SHROOM3: variants seen among roughly 807,000 people sequenced by gnomAD.
SHROOM3 encodes shroom family member 3.
Under a neutral mutation model 138.6 loss-of-function variants are expected in SHROOM3, and 47 were observed. The observed-to-expected ratio is 0.34, with a 90% CI of 0.27 to 0.43. The LOEUF (loss-of-function observed/expected upper bound fraction) is 0.43. SHROOM3 is among the 20% of genes least tolerant of loss of function. The pLI, the probability that SHROOM3 is intolerant of heterozygous loss-of-function variation, is 1.00. For missense variants in SHROOM3, 2,491 were observed against 2,596.5 expected (o/e 0.96, Z 0.88); for synonymous variants, 1,062 against 1,063.3 (o/e 1.00, Z 0.02).
intron 3 of SHROOM3, among the ~76,000 whole-genome samples, chr4:76,721,310 C>CAA (rs539572222): frequency 8.9e-6 from 1 of 112,848 alleles, no homozygotes; most frequent in Non-Finnish European, 1.9e-5. Context: ...GACTCCGTCT[C>CAA]AAAAAAAAAA....
intron 7 of SHROOM3, among the ~76,000 whole-genome samples, chr4:76,755,499 A>T (rs1314237413): frequency 6.6e-6 from 1 of 152,208 alleles, no homozygotes. Flanking sequence ...TCAGTTAGGA[A>T]ATAAGACAAA....
intron 2 of SHROOM3, among the ~76,000 whole-genome samples, chr4:76,672,983 T>G (rs185060608): frequency 6.6e-6 from 1 of 152,212 alleles, no homozygotes; most frequent in East Asian, 1.9e-4. Context: ...AAAGGGAGCA[T>G]ACATCAAAAC....
chr4:76,706,256 A>G (rs578028582), intron 2 of SHROOM3, among the ~76,000 whole-genome samples: 1 of 152,164 alleles, frequency 6.6e-6, no homozygotes, highest in East Asian at 1.9e-4. Context: ...CTGGGATTAC[A>G]GGCATGTACC....
intron 2 of SHROOM3, among the ~76,000 whole-genome samples, chr4:76,621,524 A>G (rs1164538211): frequency 2.6e-5 from 4 of 152,244 alleles, no homozygotes; most frequent in African/African-American, 4.8e-5. Flanking sequence ...GGTTTGGGTG[A>G]AGCTTGATTT....
At chr4:76,490,742 C>T (rs769814853) in intron 1 of SHROOM3, among the ~76,000 whole-genome samples, 1 of 152,134 alleles carries the variant, frequency 6.6e-6, no homozygotes, top group Non-Finnish European at 1.5e-5. Context: ...TGTTACCCAC[C>T]TACTCTCCCT....
chr4:76,777,103 T>A (rs1436052379), intron 10 of SHROOM3, among the ~76,000 whole-genome samples: 1 of 152,114 alleles, frequency 6.6e-6, no homozygotes, highest in Non-Finnish European at 1.5e-5. Flanking sequence ...TCCATATGAA[T>A]TTTAGGATTG....
chr4:76,561,706 A>AG (rs1553923689), intron 2 of SHROOM3, among the ~76,000 whole-genome samples: 101 of 151,050 alleles, frequency 6.7e-4, no homozygotes, highest in Middle Eastern at 6.8e-3. Context: ...AAAAAAAAAA[A>AG]AGAGAGAGAG....
chr4:76,451,920 C>T lies in SHROOM3; in HGVS notation c.168+15700C>T, dbSNP rs114169510. ...TCCCAGGCACAATAATGGTACACTG[C>T]AGCCTCGAACTCTTGGGCTCAAGCC... On this transcript the variant is annotated intron_variant, in intron 1 of 10. Transcript: ENST00000296043. 5.3e-3 allele frequency among the ~76,000 whole-genome samples: 805 copies of T among 152,280 alleles called. 7 individuals carry two copies. Among genetic ancestry groups the T allele is most frequent in the African/African-American group, 0.019 (772 of 41,564 alleles).
intron 2 of SHROOM3, chr4:76,689,469 G>T: frequency 1.0e-6 from 1 of 955,654 alleles, no homozygotes; most frequent in South Asian, 4.8e-5. Flanking sequence ...CCCTCGGCGC[G>T]CCGCGCGGGA....
intron 1 of SHROOM3, among the ~76,000 whole-genome samples, chr4:76,492,766 A>T (rs958339604): frequency 6.6e-6 from 1 of 152,144 alleles, no homozygotes; most frequent in African/African-American, 2.4e-5. Context: ...TAAGACACAG[A>T]TTCTCATATT....
intron 2 of SHROOM3, among the ~76,000 whole-genome samples, chr4:76,614,781 T>C (rs1734837910): frequency 6.6e-6 from 1 of 152,180 alleles, no homozygotes; most frequent in South Asian, 2.1e-4. Flanking sequence ...TTTTAAAGCA[T>C]TATGTGGAAT....
intron 2 of SHROOM3, among the ~76,000 whole-genome samples, chr4:76,598,296 G>A (rs949154118): frequency 4.6e-5 from 7 of 152,136 alleles, no homozygotes; most frequent in African/African-American, 1.7e-4. Flanking sequence ...AAAGTCCTGG[G>A]ATTACAGGCG....
At chr4:76,732,023 A>G (rs927762758) in intron 4 of SHROOM3, among the ~76,000 whole-genome samples, 1 of 152,108 alleles carries the variant, frequency 6.6e-6, no homozygotes, top group African/African-American at 2.4e-5. Context: ...TTATAGAACG[A>G]GGGAGCACAG....
chr4:76,772,222 G>T (rs971438351), intron 10 of SHROOM3, among the ~76,000 whole-genome samples: 2 of 151,186 alleles, frequency 1.3e-5, no homozygotes, highest in Non-Finnish European at 2.9e-5. Flanking sequence ...TCATGCCTCG[G>T]CCTCCCAAGT....
intron 2 of SHROOM3, among the ~76,000 whole-genome samples, chr4:76,640,526 T>G (rs1233376969): frequency 2.6e-5 from 4 of 152,206 alleles, no homozygotes; most frequent in African/African-American, 9.6e-5. Flanking sequence ...GGAAGTAATG[T>G]GGCAAAATCA....
chr4:76,595,599 T>A (rs972777822), intron 2 of SHROOM3, among the ~76,000 whole-genome samples: 1 of 152,342 alleles, frequency 6.6e-6, no homozygotes, highest in Middle Eastern at 3.4e-3. Flanking sequence ...ACTCTCTTTT[T>A]TTAGGAGTCA....
Position 76,740,993 on chromosome 4 carries a change from C to A in SHROOM3, c.2820C>A (p.Ser940=). 1 of 1,489,592 alleles carries A rather than the reference C, an allele frequency of 6.7e-7. No individual in the cohort carries two copies. Among genetic ancestry groups the A allele is most frequent in the South Asian group, 1.4e-5 (1 of 71,046 alleles). The allele number at this position is 1,489,592 out of a possible 1,614,324, so 92.3% of individuals were successfully genotyped here. Residue 940 remains serine (S), a synonymous_variant, in exon 5 of 11, where the codon TCC becomes TCA. Coordinates refer to ENST00000296043, the MANE Select transcript of SHROOM3 (RefSeq NM_020859.4). The surrounding 1 kb of genome is among the most constrained non-coding windows in gnomAD (Gnocchi z 4.0). ...DAQSRVLGAT[S]FRRRDLELGA... ...AGTCCCGTGTCTTGGGGGCCACCTC[C>A]TTTCGACGTCGAGACCTGGAGCTGG...
chr4:76,635,418 C>T (rs1328828586), intron 2 of SHROOM3, among the ~76,000 whole-genome samples: 1 of 152,186 alleles, frequency 6.6e-6, no homozygotes, highest in South Asian at 2.1e-4. Flanking sequence ...AAAGAAAAAA[C>T]CAGAACCAAA....
intron 1 of SHROOM3, among the ~76,000 whole-genome samples, chr4:76,461,765 C>T (rs1560513296): frequency 6.6e-6 from 1 of 152,182 alleles, no homozygotes; most frequent in Non-Finnish European, 1.5e-5. Flanking sequence ...CTAAGTACTA[C>T]ATGCGAGATA....
Sources: gnomAD v4.1 joint callset for allele counts (sites outside exome capture counted in the v4.1 genomes callset) on GRCh38, gnomAD v4.1.1 for gene constraint, Gnocchi (gnomAD v3.1) non-coding constraint, MANE v1.5 for transcripts, NCBI Gene and HGNC (gene_info 2026-07-23, HGNC 2026-07-21) for gene names.